Variants in SLC22A11 observed in about 807,000 individuals in gnomAD.
SLC22A11 encodes the protein solute carrier family 22 member 11.
A neutral mutation model predicts 49.4 loss-of-function variants in SLC22A11; 42 were observed. The observed-to-expected ratio is 0.85, with a 90% CI of 0.66 to 1.10. The LOEUF (loss-of-function observed/expected upper bound fraction) is 1.10. Among genes scored for constraint, SLC22A11 ranks in the 50% least tolerant of loss-of-function variants. The pLI is 0.00. For synonymous variants in SLC22A11, 304 were observed against 315.8 expected, an observed-to-expected ratio of 0.96 and a Z score of 0.40; for missense variants, 685 against 731.6, an observed-to-expected ratio of 0.94 and a Z score of 0.74.
chr11:64,566,255 A>C (rs1375203829), intron 6 of SLC22A11: 2 of 152,148 alleles, frequency 1.3e-5, no homozygotes, highest in African/African-American at 4.8e-5. Context: ...AAGGAAAAAA[A>C]AAAAAACCTA....
Position 64,564,105 on chromosome 11 carries a change from G to A in SLC22A11, c.822-203G>A, listed in dbSNP as rs1473646534. 6.6e-6 allele frequency among the ~76,000 whole-genome samples: 1 copy of A among 152,156 alleles called. No homozygotes were observed. The highest frequency in any genetic ancestry group is 1.5e-5 in the Non-Finnish European group (1 of 68,016). On this transcript the variant is annotated intron_variant, in intron 4 of 9. Coordinates refer to ENST00000301891, the MANE Select transcript of SLC22A11 (RefSeq NM_018484.4). This position sits in a 1 kb window ranked among gnomAD's most constrained non-coding sequence, Gnocchi z 4.2. Reference sequence around the variant, plus strand: ...CAGATGGAGGTGGCTCGCTTGGGAAGGTGGGCGGCCAGGCATTGGGACTCA... The same window carrying A: ...CAGATGGAGGTGGCTCGCTTGGGAAAGTGGGCGGCCAGGCATTGGGACTCA...
At chr11:64,561,926 A>G in intron 2 of SLC22A11, 78 bp from the exon 3 acceptor site, 1 of 1,511,384 alleles carries the variant, frequency 6.6e-7, no homozygotes, top group Non-Finnish European at 8.9e-7. Flanking sequence ...TTGAACTCCC[A>G]GAAGGCAAGT....
chr11:64,566,557 A>T (rs2038629015), intron 6 of SLC22A11: 1 of 151,476 alleles, frequency 6.6e-6, no homozygotes, highest in African/African-American at 2.4e-5. Context: ...TTGTTATTCA[A>T]ATCAGAGGCT....
chr11:64,556,540 GGGC>G, intron 1 of SLC22A11, 148 bp downstream of exon 1: 1 of 1,304,916 alleles, frequency 7.7e-7, no homozygotes, highest in African/African-American at 1.5e-5. Flanking sequence ...ACAGGGGAGT[GGGC>G]GGCAGGGATC....
At chr11:64,567,336 C>T (rs2038638726) in intron 6 of SLC22A11, among the ~76,000 whole-genome samples, 1 of 152,214 alleles carries the variant, frequency 6.6e-6, no homozygotes, top group Non-Finnish European at 1.5e-5. Context: ...GAGGCAACGC[C>T]CCAGCGCATC....
At position 64,565,450 on chromosome 11, in the gene SLC22A11, G is replaced by C; in HGVS notation, c.1058+113G>C. 1.2e-6 allele frequency: 1 copy of C among 866,260 alleles called. No individual in the cohort carries two copies. The highest frequency in any genetic ancestry group is 1.9e-6 in the Non-Finnish European group (1 of 536,922). 53.7% of individuals were successfully genotyped at this position (866,260 alleles called of 1,614,324 possible). ...GAAACAGCACCCGCAGGCCTCAAGG[G>C]GGTGCATTTCTGTCTGGGACAGGAC... On this transcript the variant is annotated intron_variant, in intron 6 of 9. Coordinates refer to ENST00000301891, the MANE Select transcript of SLC22A11 (RefSeq NM_018484.4). The surrounding 1 kb of genome is among the most constrained non-coding windows in gnomAD (Gnocchi z 4.1).
rs2038602815 is a variant in SLC22A11, at chr11:64,564,962, G to A, written c.943-260G>A. On this transcript the variant is annotated intron_variant, in intron 5 of 9. Coordinates refer to ENST00000301891, the MANE Select transcript of SLC22A11 (RefSeq NM_018484.4). The surrounding 1 kb of genome is among the most constrained non-coding windows in gnomAD (Gnocchi z 4.2). ...AGAGATTAGAGTGAAGATGGGGTCGGAGGATAAGGGAAGGCTTCCAGAAGG... is the reference window on the plus strand; with the variant it reads ...AGAGATTAGAGTGAAGATGGGGTCGAAGGATAAGGGAAGGCTTCCAGAAGG... Among the ~76,000 whole-genome samples, 1 of 152,224 alleles carries A rather than the reference G, an allele frequency of 6.6e-6. No individual in the cohort carries two copies. The highest frequency in any genetic ancestry group is 1.9e-4 in the East Asian group (1 of 5,204).
intron 1 of SLC22A11, among the ~76,000 whole-genome samples, chr11:64,558,357 G>C (rs2038492352): frequency 6.6e-6 from 1 of 152,218 alleles, no homozygotes; most frequent in Non-Finnish European, 1.5e-5. Flanking sequence ...GAAGCTCTGT[G>C]GGGGGATGGG....
At position 64,555,984 on chromosome 11, in the gene SLC22A11, C is replaced by T. The variant is rs201316940; in HGVS notation, c.-16C>T. 7 of 1,585,642 alleles carry T rather than the reference C, an allele frequency of 4.4e-6. No individual in the cohort carries two copies. Among genetic ancestry groups the T allele is most frequent in the East Asian group, 2.2e-5 (1 of 44,576 alleles). ...CAGTTAGGTCAGCAGTCCGCTCAGC[C>T]GAGGCAGCTCTGTTCATGGCGTTCT... On this transcript the variant is annotated 5_prime_UTR_variant, in exon 1 of 10. Transcript: ENST00000301891.
At chr11:64,563,957 T>C (rs1435593051) in intron 4 of SLC22A11, among the ~76,000 whole-genome samples, 11 of 151,778 alleles carry the variant, frequency 7.2e-5, no homozygotes, top group Admixed American at 5.2e-4. Context: ...GACCTTTCTA[T>C]CCTAGAAATA....
At chr11:64,569,396 T>C (rs1682663599) in intron 8 of SLC22A11, among the ~76,000 whole-genome samples, 1 of 152,158 alleles carries the variant, frequency 6.6e-6, no homozygotes, top group Admixed American at 6.5e-5. Context: ...GGGAGCTCAG[T>C]GGCCTAGCAG....
At chr11:64,568,399 T>C (rs1403900254) in intron 7 of SLC22A11, among the ~76,000 whole-genome samples, 5 of 152,192 alleles carry the variant, frequency 3.3e-5, no homozygotes, top group African/African-American at 1.2e-4. Flanking sequence ...GTGGGGGGCA[T>C]TCTTTCAGTG....
At chr11:64,568,873 A>C in intron 8 of SLC22A11, 95 bp downstream of exon 8, 2 of 1,124,616 alleles carry the variant, frequency 1.8e-6, no homozygotes, top group East Asian at 2.4e-5. Context: ...AGGGAAATGC[A>C]GCCAGGGCCG....
chr11:64,561,091 A>G (rs1202445008), intron 2 of SLC22A11, among the ~76,000 whole-genome samples: 1 of 152,252 alleles, frequency 6.6e-6, no homozygotes, highest in Non-Finnish European at 1.5e-5. Flanking sequence ...CGTTCTGAGC[A>G]GAACGGGCTT....
intron 1 of SLC22A11, among the ~76,000 whole-genome samples, chr11:64,558,050 G>A (rs940655514): frequency 5.9e-5 from 9 of 151,972 alleles, no homozygotes; most frequent in Admixed American, 2.0e-4. Flanking sequence ...CACCCGCCTC[G>A]GCCTCCCAAA....
Position 64,565,171 on chromosome 11 carries a change from G to A in SLC22A11, c.943-51G>A, listed in dbSNP as rs1383748992. ...GACACTGTTCTCTGGCACAGGGGGT[G>A]GGGCAGGGCCATTGCCCTACCATTC... On this transcript the variant is annotated intron_variant, in intron 5 of 9. Coordinates refer to ENST00000301891, the MANE Select transcript of SLC22A11 (RefSeq NM_018484.4). This position sits in a 1 kb window ranked among gnomAD's most constrained non-coding sequence, Gnocchi z 4.1. The A allele has an allele frequency of 7.5e-7, 1 of 1,336,450 alleles. No homozygotes were observed. Among genetic ancestry groups the A allele is most frequent in the South Asian group, 1.4e-5 (1 of 71,064 alleles). 82.8% of individuals were successfully genotyped at this position (1,336,450 alleles called of 1,614,324 possible).
At position 64,568,701 on chromosome 11, in the gene SLC22A11, G is replaced by A. The variant is rs1244772957; in HGVS notation, c.1305G>A (p.Val435=). The stretch of plus-strand genomic sequence containing the variant: ...AGACCCTGCGTGTGGTCTTTGCTGT[G>A]CTGGGAAAGGGATGTTTTGGGATAA... ...DLQTLRVVFA[V]LGKGCFGISL... The change falls in exon 8 of 10, where the codon GTG becomes GTA. Residue 435 remains valine (V), a synonymous_variant. Coordinates refer to ENST00000301891, the MANE Select transcript of SLC22A11 (RefSeq NM_018484.4). 1 of 1,614,168 alleles carries A rather than the reference G, an allele frequency of 6.2e-7. No homozygotes were observed. Among genetic ancestry groups the A allele is most frequent in the South Asian group, 1.1e-5 (1 of 91,084 alleles).
chr11:64,569,813 C>T lies in SLC22A11; in HGVS notation c.1544C>T (p.Thr515Ile). The change falls in exon 9 of 10, where the codon ACC becomes ATC. Residue 515 changes from threonine (T) to isoleucine (I), a missense_variant. Physicochemically the swap from Thr to Ile is moderately conservative, Grantham distance 89. Transcript: ENST00000301891. Reference sequence around the variant, plus strand: ...GTTGTGCTGTTCTTCCTCCCGGAGACCCAGGGACTTCCGCTCCCTGACACT... The same window carrying T: ...GTTGTGCTGTTCTTCCTCCCGGAGATCCAGGGACTTCCGCTCCCTGACACT... ...SLVVLFFLPE[T>I]QGLPLPDTIQ... 1 of 1,614,004 alleles carries T rather than the reference C, an allele frequency of 6.2e-7. No homozygotes were observed. Among genetic ancestry groups the T allele is most frequent in the Non-Finnish European group, 8.5e-7 (1 of 1,180,034 alleles).
intron 8 of SLC22A11, 99 bp from the exon 9 acceptor site, chr11:64,569,553 C>A: frequency 7.7e-7 from 1 of 1,296,068 alleles, no homozygotes; most frequent in Non-Finnish European, 1.1e-6. Context: ...GCAATTCCCT[C>A]AGCCCAGCTT....
Sources: gnomAD v4.1 joint callset for allele counts (sites outside exome capture counted in the v4.1 genomes callset) on GRCh38, gnomAD v4.1.1 for gene constraint, Gnocchi (gnomAD v3.1) non-coding constraint, MANE v1.5 for transcripts, NCBI Gene and HGNC (gene_info 2026-07-23, HGNC 2026-07-21) for gene names.